Variants in MTRF1 observed in about 807,000 individuals in gnomAD.
The protein encoded by MTRF1 is mitochondrial translation release factor 1, also known as peptide chain release factor 1, mitochondrial.
In MTRF1, 51 loss-of-function variants were observed where a neutral mutation model predicts 62.9. That is an observed-to-expected ratio of 0.81 (90% CI 0.65 to 1.02). The LOEUF is 1.02. Among genes scored for constraint, MTRF1 ranks in the 50% least tolerant of loss-of-function variants. The pLI is 0.00. For synonymous variants in MTRF1, 158 were observed against 181.9 expected (o/e 0.87, Z 1.06); for missense variants, 446 against 530.0 (o/e 0.84, Z 1.56).
upstream of MTRF1, among the ~76,000 whole-genome samples, chr13:41,263,809 G>A (rs562310951): frequency 1.4e-5 from 2 of 146,996 alleles, no homozygotes; most frequent in African/African-American, 5.4e-5. Flanking sequence ...ATGGTGGGAG[G>A]GAGGGAGGGA....
At chr13:41,294,898 G>C in the MTRF1 span, among the ~76,000 whole-genome samples, 1 of 152,102 alleles carries the variant, frequency 6.6e-6, no homozygotes, top group Non-Finnish European at 1.5e-5. Context: ...CTAAAATTTT[G>C]GTTCCCTATG....
intron 1 of MTRF1, 43 bp downstream of exon 1, chr13:41,263,442 A>C: frequency 2.5e-6 from 1 of 405,080 alleles, no homozygotes; most frequent in East Asian, 7.7e-5. Flanking sequence ...TAAAGAGGCA[A>C]TACAGGAGGC....
intron 5 of MTRF1, among the ~76,000 whole-genome samples, chr13:41,246,579 G>A (rs942313914): frequency 1.3e-5 from 2 of 151,992 alleles, no homozygotes; most frequent in Admixed American, 6.6e-5. Context: ...ACATATTACT[G>A]GATAATAATC....
At chr13:41,260,237 G>A (rs980526134) in intron 2 of MTRF1, among the ~76,000 whole-genome samples, 3 of 151,880 alleles carry the variant, frequency 2.0e-5, no homozygotes, top group African/African-American at 7.3e-5. Context: ...GAAAGCCCTG[G>A]CACAATAGTC....
chr13:41,269,199 G>GTTTTTTT, the MTRF1 span, among the ~76,000 whole-genome samples: 12 of 68,712 alleles, frequency 1.7e-4, no homozygotes, highest in Middle Eastern at 0.01. Flanking sequence ...TTTTTTTTTG[G>GTTTTTTT]TTTTTTTTTT....
rs1181550832 is a variant in MTRF1 at position 41,223,291 on chromosome 13, C to T, written c.1189G>A (p.Asp397Asn). The T allele has an allele frequency of 1.2e-6, 2 of 1,614,028 alleles. No homozygotes were observed. Among genetic ancestry groups the T allele is most frequent in the East Asian group, 4.5e-5 (2 of 44,854 alleles). The change falls in exon 9 of 10, where the codon GAC becomes AAC. Residue 397 changes from aspartate (D) to asparagine (N), a missense_variant. Coordinates refer to ENST00000379480, the MANE Select transcript of MTRF1 (RefSeq NM_004294.4). Reference sequence around the variant, plus strand: ...CGAACTTCATATGCTATCCTGTGGTCACTGACTCTATCCTGGGTGAAATTA... The same window carrying T: ...CGAACTTCATATGCTATCCTGTGGTTACTGACTCTATCCTGGGTGAAATTA... ...TYNFTQDRVS[D>N]HRIAYEVRDI...
At chr13:41,277,824 C>G in the MTRF1 span, among the ~76,000 whole-genome samples, 1 of 152,188 alleles carries the variant, frequency 6.6e-6, no homozygotes, top group African/African-American at 2.4e-5. Context: ...TTTCTGGTGA[C>G]CAGCTGCCAT....
At chr13:41,302,858 G>C in the MTRF1 span, among the ~76,000 whole-genome samples, 3 of 152,186 alleles carry the variant, frequency 2.0e-5, no homozygotes, top group African/African-American at 7.2e-5. Context: ...GGCAACTTGA[G>C]AATAAGAAAG....
At chr13:41,257,869 T>G in intron 2 of MTRF1, 1 of 362,454 alleles carries the variant, frequency 2.8e-6, no homozygotes, top group Non-Finnish European at 5.9e-6. Flanking sequence ...AGCATTCAAA[T>G]GAGATAATAT....
At chr13:41,229,211 A>G (rs1182790179) in intron 7 of MTRF1, 4 of 152,226 alleles carry the variant, frequency 2.6e-5, no homozygotes, top group Non-Finnish European at 4.4e-5. Context: ...GTTAGTTGAC[A>G]TGTAATAATT....
chr13:41,247,228 T>C lies in MTRF1; in HGVS notation c.697+5417A>G, dbSNP rs144456373. On this transcript the variant is annotated intron_variant, in intron 5 of 9. Coordinates refer to ENST00000379480, the MANE Select transcript of MTRF1 (RefSeq NM_004294.4). ...GCTTTCCTGGATCGGTGTGAAATCT[T>C]GTGGAAGACAAAGGCTGTCAAGCTC... Among the ~76,000 whole-genome samples the C allele has an allele frequency of 9.5e-4, 144 of 152,326 alleles. 1 individual carries two copies. In the East Asian group the frequency reaches 0.022, roughly 23 times the overall value.
chr13:41,246,716 AGAGT>A (rs1325564817), intron 5 of MTRF1, among the ~76,000 whole-genome samples: 11 of 152,368 alleles, frequency 7.2e-5, no homozygotes, highest in African/African-American at 2.6e-4. Context: ...GAACTAAAAC[AGAGT>A]GATGCCACAA....
chr13:41,299,774 C>T, the MTRF1 span, among the ~76,000 whole-genome samples: 5 of 151,730 alleles, frequency 3.3e-5, no homozygotes, highest in African/African-American at 1.2e-4. Context: ...TCTCCCTGAC[C>T]AAACTTCTGA....
At chr13:41,286,658 G>A in the MTRF1 span, among the ~76,000 whole-genome samples, 2 of 151,930 alleles carry the variant, frequency 1.3e-5, no homozygotes, top group Non-Finnish European at 2.9e-5. Context: ...TGATCACATC[G>A]AGTGTTTCAC....
chr13:41,258,852 G>T lies in MTRF1; in HGVS notation c.415+1641C>A, dbSNP rs148383155. Among the ~76,000 whole-genome samples the T allele has an allele frequency of 2.0e-3, 298 of 152,166 alleles. 1 individual carries two copies. Among genetic ancestry groups the T allele is most frequent in the African/African-American group, 6.7e-3 (280 of 41,496 alleles). ...AAGTGAAGAGAAAACCACAGAATGGGAAATTTTTGCAAATCATATATCTGA... is the reference window on the plus strand; with the variant it reads ...AAGTGAAGAGAAAACCACAGAATGGTAAATTTTTGCAAATCATATATCTGA... On this transcript the variant is annotated intron_variant, in intron 2 of 9. Transcript: ENST00000379480.
chr13:41,256,442 T>C (rs1464805148), intron 2 of MTRF1, among the ~76,000 whole-genome samples: 2 of 151,904 alleles, frequency 1.3e-5, no homozygotes, highest in Non-Finnish European at 2.9e-5. Flanking sequence ...TTCTCCTGCC[T>C]CAGCCTCCCG....
chr13:41,223,121 T>A (rs2033742969), intron 9 of MTRF1, 135 bp downstream of exon 9: 1 of 570,458 alleles, frequency 1.8e-6, no homozygotes, highest in South Asian at 3.4e-5. Flanking sequence ...GTTTGTAAAT[T>A]TTAGGGTGGC....
chr13:41,296,231 C>T, the MTRF1 span, among the ~76,000 whole-genome samples: 2 of 151,970 alleles, frequency 1.3e-5, no homozygotes, highest in Non-Finnish European at 2.9e-5. Flanking sequence ...AAGGTATGAG[C>T]CACCATGCTG....
At chr13:41,222,327 G>A (rs1309966261) in intron 9 of MTRF1, among the ~76,000 whole-genome samples, 1 of 152,182 alleles carries the variant, frequency 6.6e-6, no homozygotes, top group African/African-American at 2.4e-5. Context: ...ATAGGTTAAT[G>A]TTCAAACAAT....
Sources: gnomAD v4.1 joint callset for allele counts (sites outside exome capture counted in the v4.1 genomes callset) on GRCh38, gnomAD v4.1.1 for gene constraint, MANE v1.5 for transcripts, NCBI Gene and HGNC (gene_info 2026-07-23, HGNC 2026-07-21) for gene names.